The following LRRIQ1 variants were observed in gnomAD, a reference collection of about 807,000 sequenced individuals.
LRRIQ1 encodes leucine rich repeats and IQ motif containing 1.
In LRRIQ1, 210 loss-of-function variants were observed where a neutral mutation model predicts 211.9. That is an observed-to-expected ratio of 0.99 (90% confidence interval 0.89 to 1.11). The LOEUF (loss-of-function observed/expected upper bound fraction) is 1.11. Ranked by LOEUF, LRRIQ1 falls within the 50% of genes most tolerant of loss-of-function variation. The probability of loss-of-function intolerance (pLI) is 0.00; values close to 1 mark genes in which losing one functional copy is unlikely to be tolerated. For synonymous variants in LRRIQ1, 699 were observed against 650.1 expected, an observed-to-expected ratio of 1.08 and a Z score of -1.14; for missense variants, 2,136 against 1,939.5, an observed-to-expected ratio of 1.10 and a Z score of -1.90.
chr12:85,217,638 A>ATATATG (rs1894197232), intron 24 of LRRIQ1, among the ~76,000 whole-genome samples: 8 of 109,774 alleles, frequency 7.3e-5, no homozygotes, highest in African/African-American at 5.6e-4. Flanking sequence ...GTATATATGT[A>ATATATG]TATATATGTG....
At chr12:85,080,138 T>C (rs1267981011) in intron 11 of LRRIQ1, among the ~76,000 whole-genome samples, 1 of 152,120 alleles carries the variant, frequency 6.6e-6, no homozygotes, top group Non-Finnish European at 1.5e-5. Flanking sequence ...TTACCATTTG[T>C]ATTGCAATTT....
chr12:85,102,959 A>AAAAAAATATATAT (rs1458673370), intron 13 of LRRIQ1, among the ~76,000 whole-genome samples: 1 of 108,500 alleles, frequency 9.2e-6, no homozygotes, highest in African/African-American at 4.2e-5. Context: ...AAAAAAAAAA[A>AAAAAAATATATAT]ATATATATAT....
chr12:85,060,690 A>G (rs1274194627), intron 8 of LRRIQ1, among the ~76,000 whole-genome samples: 1 of 151,782 alleles, frequency 6.6e-6, no homozygotes, highest in African/African-American at 2.4e-5. Context: ...AAACAATATT[A>G]TTTTTCCCTG....
At chr12:85,051,125 G>A (rs1023203163) in intron 6 of LRRIQ1, among the ~76,000 whole-genome samples, 5 of 151,834 alleles carry the variant, frequency 3.3e-5, no homozygotes, top group Admixed American at 6.6e-5. Flanking sequence ...TATTTGCTCC[G>A]TTAGTTGCCA....
intron 24 of LRRIQ1, among the ~76,000 whole-genome samples, chr12:85,185,663 G>A (rs866050340): frequency 3.3e-5 from 5 of 151,920 alleles, no homozygotes; most frequent in Non-Finnish European, 7.4e-5. Context: ...CAAAGTGGTG[G>A]TAATGATTCA....
In LRRIQ1 at chr12:85,046,121, T is replaced by G; in HGVS notation, c.438T>G (p.Asp146Glu). ...CTAGTCCTCATGACTTGCCTATGGA[T>G]GAACATGTTTTACCAGGTGGACTAA... ...PEPSPHDLPM[D>E]EHVLPDDADI... The change falls in exon 5 of 27, where the codon GAT becomes GAG. Residue 146 changes from aspartate to glutamate, a missense_variant. Coordinates refer to ENST00000393217, the MANE Select transcript of LRRIQ1 (RefSeq NM_001079910.2). 6.3e-7 allele frequency: 1 copy of G among 1,598,632 alleles called. No homozygotes were observed. Among genetic ancestry groups the G allele is most frequent in the Non-Finnish European group, 8.6e-7 (1 of 1,168,702 alleles).
intron 25 of LRRIQ1, 83 bp from the exon 26 acceptor site, chr12:85,232,613 C>T (rs917650217): frequency 1.8e-6 from 2 of 1,116,148 alleles, no homozygotes; most frequent in African/African-American, 1.6e-5. Flanking sequence ...GAATTTCTCT[C>T]AAGCTTTTTA....
At chr12:85,042,076 A>C (rs1878952350) in intron 3 of LRRIQ1, among the ~76,000 whole-genome samples, 1 of 151,930 alleles carries the variant, frequency 6.6e-6, no homozygotes, top group Admixed American at 6.6e-5. Flanking sequence ...TCAGGTTTAA[A>C]CACTGAAAAT....
chr12:85,102,956 AAAAATAT>A (rs1159719631), intron 13 of LRRIQ1, among the ~76,000 whole-genome samples: 43 of 123,408 alleles, frequency 3.5e-4, no homozygotes, highest in African/African-American at 1.3e-3. Flanking sequence ...AAAAAAAAAA[AAAAATAT>A]ATATATATAT....
At chr12:85,114,661 G>T (rs932135532) in intron 15 of LRRIQ1, among the ~76,000 whole-genome samples, 1 of 141,620 alleles carries the variant, frequency 7.1e-6, no homozygotes, top group Non-Finnish European at 1.6e-5. Flanking sequence ...GAATATGAAA[G>T]AAAATAAATA....
chr12:85,076,969 A>G (rs1473294708), intron 11 of LRRIQ1, among the ~76,000 whole-genome samples: 3 of 152,164 alleles, frequency 2.0e-5, no homozygotes, highest in Admixed American at 2.0e-4. Context: ...CTGGGATCCA[A>G]GTTTCCTGAT....
Position 85,192,517 on chromosome 12 carries a change from GTTATA to G in LRRIQ1, c.4822+31805_4822+31809del, listed in dbSNP as rs1459908683. Among the ~76,000 whole-genome samples the G allele has an allele frequency of 9.5e-5, 11 of 115,494 alleles. 1 individual carries two copies. Among genetic ancestry groups the G allele is most frequent in the Non-Finnish European group, 6.6e-5 (4 of 60,304 alleles). The allele number at this position is 115,494 out of a possible 152,430, so 75.8% of individuals were successfully genotyped here. On this transcript the variant is annotated intron_variant, in intron 24 of 26. Coordinates refer to ENST00000393217, the MANE Select transcript of LRRIQ1 (RefSeq NM_001079910.2). ...ATATAATTATATATAAATATATATA[GTTATA>G]TAATATAATTATATATAAATATATA... is the stretch of plus-strand genomic sequence containing the variant.
intron 24 of LRRIQ1, among the ~76,000 whole-genome samples, chr12:85,186,844 A>C (rs936254412): frequency 9.9e-5 from 15 of 151,866 alleles, no homozygotes; most frequent in Admixed American, 8.6e-4. Flanking sequence ...TTAATCCTAC[A>C]ATATCTAGTA....
At chr12:85,189,209 G>A (rs536161248) in intron 24 of LRRIQ1, among the ~76,000 whole-genome samples, 1 of 152,136 alleles carries the variant, frequency 6.6e-6, no homozygotes, top group African/African-American at 2.4e-5. Flanking sequence ...TAGCTCTTGG[G>A]GCCTCCAGAT....
At position 85,228,838 on chromosome 12, in the gene LRRIQ1, T is replaced by C. The variant is rs1894795994; in HGVS notation, c.4823-679T>C. Among the ~76,000 whole-genome samples the C allele has an allele frequency of 2.6e-5, 4 of 152,180 alleles. No homozygotes were observed. In the South Asian group the frequency reaches 8.3e-4, roughly 31 times the overall value. ...AAAGTAATAAATTGACTTTAAATTT[T>C]CAGGTTTTTAAACTACAGAATTGTT... On this transcript the variant is annotated intron_variant, in intron 24 of 26. Transcript: ENST00000393217.
Position 85,046,123 on chromosome 12 carries a change from AACATGT to A in LRRIQ1, c.441_446del (p.Glu147_Val149delinsAsp). The A allele has an allele frequency of 6.3e-7, 1 of 1,595,898 alleles. No homozygotes were observed. The highest frequency in any genetic ancestry group is 8.6e-7 in the Non-Finnish European group (1 of 1,166,426). ...AGTCCTCATGACTTGCCTATGGATG[AACATGT>A]TTTACCAGGTGGACTAAATTGCTCA... On this transcript the variant is annotated inframe_deletion, in exon 5 of 27. Transcript: ENST00000393217.
chr12:85,081,312 A>G (rs1238358810), intron 11 of LRRIQ1, among the ~76,000 whole-genome samples: 2 of 152,140 alleles, frequency 1.3e-5, no homozygotes, highest in South Asian at 2.1e-4. Flanking sequence ...AGATATGTTT[A>G]TATAATTTTC....
At chr12:85,212,216 T>C (rs1893868101) in intron 24 of LRRIQ1, among the ~76,000 whole-genome samples, 1 of 151,874 alleles carries the variant, frequency 6.6e-6, no homozygotes, top group South Asian at 2.1e-4. Flanking sequence ...GCCCAGGAGA[T>C]GGAGGCTGCA....
At chr12:85,190,425 TA>T (rs955459628) in intron 24 of LRRIQ1, among the ~76,000 whole-genome samples, 78 of 147,388 alleles carry the variant, frequency 5.3e-4, no homozygotes, top group African/African-American at 1.3e-3. Flanking sequence ...TTAATATAAA[TA>T]ATTATATCAA....
Sources: gnomAD v4.1 joint callset for allele counts (sites outside exome capture counted in the v4.1 genomes callset) on GRCh38, gnomAD v4.1.1 for gene constraint, MANE v1.5 for transcripts, NCBI Gene and HGNC (gene_info 2026-07-23, HGNC 2026-07-21) for gene names.